Variants in SRGAP3 observed in about 807,000 individuals in gnomAD.
The protein encoded by SRGAP3 is SLIT-ROBO Rho GTPase activating protein 3.
Under a neutral mutation model 121.1 loss-of-function variants are expected in SRGAP3, and 39 were observed. That is an observed-to-expected ratio of 0.32 (90% CI 0.25 to 0.42). SRGAP3 has a LOEUF of 0.42. Among genes scored for constraint, SRGAP3 ranks in the 10% least tolerant of loss-of-function variants. The probability of loss-of-function intolerance (pLI) is 1.00; values close to 1 mark genes in which losing one functional copy is unlikely to be tolerated. For missense variants in SRGAP3, 1,213 were observed against 1,470.6 expected, an observed-to-expected ratio of 0.82 and a Z score of 2.86; for synonymous variants, 601 against 570.0, an observed-to-expected ratio of 1.05 and a Z score of -0.77.
At chr3:9,310,855 CA>C (rs1386453207) in intron 3 of SRGAP3, among the ~76,000 whole-genome samples, 1 of 152,080 alleles carries the variant, frequency 6.6e-6, no homozygotes, top group East Asian at 1.9e-4. Flanking sequence ...TTGTTACCTG[CA>C]ATCTAAAGAT....
At chr3:8,991,779 A>T (rs551533315) in intron 20 of SRGAP3, among the ~76,000 whole-genome samples, 12 of 152,292 alleles carry the variant, frequency 7.9e-5, no homozygotes, top group African/African-American at 2.9e-4. Context: ...GATTATGACT[A>T]GGGACCACCA....
At position 9,239,315 on chromosome 3, in the gene SRGAP3, G is replaced by A. The variant is rs1164127106; in HGVS notation, c.67+9570C>T. Among the ~76,000 whole-genome samples, 1 of 152,210 alleles carries A rather than the reference G, an allele frequency of 6.6e-6. No homozygotes were observed. The highest frequency in any genetic ancestry group is 6.5e-5 in the Admixed American group (1 of 15,276). ...GAATCACTTAAATCCAACAGGCATA[G>A]GTTGCAGTGAGCCAAGGTTGCACCA... is the stretch of plus-strand genomic sequence containing the variant. On this transcript the variant is annotated intron_variant, in intron 1 of 21. Transcript: ENST00000383836. The surrounding 1 kb of genome is among the most constrained non-coding windows in gnomAD (Gnocchi z 4.0).
chr3:9,085,377 T>C (rs1947420693), intron 3 of SRGAP3, among the ~76,000 whole-genome samples: 1 of 152,182 alleles, frequency 6.6e-6, no homozygotes, highest in Non-Finnish European at 1.5e-5. Flanking sequence ...TGTAAATTAG[T>C]TCAACCATTG....
chr3:9,124,139 T>A (rs1240090375), intron 2 of SRGAP3, among the ~76,000 whole-genome samples: 1 of 152,160 alleles, frequency 6.6e-6, no homozygotes, highest in Non-Finnish European at 1.5e-5. Flanking sequence ...GGAGCCTCCA[T>A]GATCTCAGAG....
At chr3:9,315,139 C>T (rs1248423720) in intron 3 of SRGAP3, among the ~76,000 whole-genome samples, 1 of 152,188 alleles carries the variant, frequency 6.6e-6, no homozygotes, top group Non-Finnish European at 1.5e-5. Context: ...CCTCTCCAGT[C>T]TATCTTCAGC....
intron 3 of SRGAP3, among the ~76,000 whole-genome samples, chr3:9,088,401 A>G (rs562043833): frequency 6.6e-6 from 1 of 152,308 alleles, no homozygotes; most frequent in Non-Finnish European, 1.5e-5. Flanking sequence ...GCCAGCCATC[A>G]TGAATGCAGG....
At chr3:9,309,791 C>T (rs1216310662) in intron 3 of SRGAP3, among the ~76,000 whole-genome samples, 3 of 151,984 alleles carry the variant, frequency 2.0e-5, no homozygotes, top group Non-Finnish European at 4.4e-5. Flanking sequence ...CATGGGAGGT[C>T]GAGGCTGCAG....
intron 1 of SRGAP3, among the ~76,000 whole-genome samples, chr3:9,171,413 A>G (rs1189078830): frequency 6.6e-6 from 1 of 152,228 alleles, no homozygotes; most frequent in Non-Finnish European, 1.5e-5. Flanking sequence ...CAAAATGGGA[A>G]TGCCCACAGT....
At chr3:9,106,816 T>C (rs962076062) in intron 2 of SRGAP3, among the ~76,000 whole-genome samples, 7 of 151,974 alleles carry the variant, frequency 4.6e-5, no homozygotes, top group Non-Finnish European at 8.8e-5. Flanking sequence ...ATCAGCAGTG[T>C]GAAAATGGAC....
intron 1 of SRGAP3, among the ~76,000 whole-genome samples, chr3:9,330,976 T>C (rs1423439057): frequency 6.6e-6 from 1 of 152,222 alleles, no homozygotes; most frequent in African/African-American, 2.4e-5. Context: ...AGGACTCAAA[T>C]ATAGAAGTAC....
At chr3:9,179,859 G>A (rs1560356331) in intron 1 of SRGAP3, among the ~76,000 whole-genome samples, 1 of 152,246 alleles carries the variant, frequency 6.6e-6, no homozygotes, top group Non-Finnish European at 1.5e-5. Context: ...TACCAAGTGG[G>A]AGAATCAAGG....
intron 3 of SRGAP3, among the ~76,000 whole-genome samples, chr3:9,254,985 AAAAG>A (rs1044069608): frequency 2.0e-4 from 29 of 147,774 alleles, no homozygotes; most frequent in South Asian, 1.6e-3. Context: ...AAGAAAAAGA[AAAAG>A]AAAGAAAGGG....
chr3:9,167,366 C>T (rs1028842493), intron 1 of SRGAP3, among the ~76,000 whole-genome samples: 5 of 152,158 alleles, frequency 3.3e-5, no homozygotes, highest in African/African-American at 1.2e-4. Flanking sequence ...ATTGCTAGTT[C>T]CCTTCTGTAC....
chr3:9,084,546 C>T (rs1167693389), intron 3 of SRGAP3, among the ~76,000 whole-genome samples: 2 of 152,222 alleles, frequency 1.3e-5, no homozygotes, highest in East Asian at 3.8e-4. Context: ...TGAAGACCCA[C>T]AGCCTGCCTC....
intron 1 of SRGAP3, among the ~76,000 whole-genome samples, chr3:9,174,420 G>A (rs893455140): frequency 1.3e-5 from 2 of 152,170 alleles, no homozygotes; most frequent in African/African-American, 4.8e-5. Context: ...ATGAGGAAGT[G>A]AAGATGGGAG....
At chr3:9,002,230 T>G (rs1294587359) in intron 18 of SRGAP3, among the ~76,000 whole-genome samples, 1 of 152,154 alleles carries the variant, frequency 6.6e-6, no homozygotes, top group Non-Finnish European at 1.5e-5. Context: ...CACAGTAGGA[T>G]AAAATTATTG....
At chr3:9,220,014 A>G (rs1952756646) in intron 1 of SRGAP3, among the ~76,000 whole-genome samples, 1 of 152,162 alleles carries the variant, frequency 6.6e-6, no homozygotes, top group Admixed American at 6.5e-5. Flanking sequence ...TAGACTGATC[A>G]TTACCAGAGG....
In SRGAP3 at chr3:9,088,301, T is replaced by C. The variant is rs1947585856; in HGVS notation, c.424-8214A>G. On this transcript the variant is annotated intron_variant, in intron 3 of 21. Coordinates refer to ENST00000383836, the MANE Select transcript of SRGAP3 (RefSeq NM_014850.4). The stretch of plus-strand genomic sequence containing the variant: ...CATGGGGCCAAGGAGGGCTCAGCCA[T>C]GGCAGCTATGGCTCCTCCAGATTGA... Among the ~76,000 whole-genome samples the C allele has an allele frequency of 2.6e-5, 4 of 152,258 alleles. No individual in the cohort carries two copies. In the South Asian group the frequency reaches 6.2e-4, roughly 24 times the overall value.
chr3:9,014,267 C>T (rs780890382), intron 15 of SRGAP3: 9 of 277,930 alleles, frequency 3.2e-5, no homozygotes, highest in South Asian at 4.4e-5. Flanking sequence ...TCCAGGTTCC[C>T]GAACAGTGCA....
Sources: gnomAD v4.1 joint callset for allele counts (sites outside exome capture counted in the v4.1 genomes callset) on GRCh38, gnomAD v4.1.1 for gene constraint, Gnocchi (gnomAD v3.1) non-coding constraint, MANE v1.5 for transcripts, NCBI Gene and HGNC (gene_info 2026-07-23, HGNC 2026-07-21) for gene names.